The following GSTM4 variants were observed in gnomAD, a reference collection of about 807,000 sequenced individuals.
The protein encoded by GSTM4 is glutathione S-transferase mu 4, also known as GST class-mu 4.
GSTM4 carries 27 observed loss-of-function variants against 30.1 expected under a neutral mutation model. The ratio of observed to expected loss-of-function variants is 0.90; its 90% CI spans 0.66 to 1.24. The LOEUF (loss-of-function observed/expected upper bound fraction) is 1.24, where lower values mean the gene tolerates loss of function less well. Among genes scored for constraint, GSTM4 ranks in the 50% most tolerant of loss-of-function variants. GSTM4 has a pLI of 0.00. For missense variants in GSTM4, 238 were observed against 272.1 expected, an observed-to-expected ratio of 0.87 and a Z score of 0.88; for synonymous variants, 94 against 96.2, an observed-to-expected ratio of 0.98 and a Z score of 0.13.
At position 109,656,142 on chromosome 1, in the gene GSTM4, G is replaced by C; in HGVS notation, c.-248G>C. 2.0e-6 allele frequency: 1 copy of C among 497,012 alleles called. No homozygotes were observed. Among genetic ancestry groups the C allele is most frequent in the Non-Finnish European group, 3.7e-6 (1 of 268,492 alleles). 30.8% of individuals were successfully genotyped at this position (497,012 alleles called of 1,614,324 possible). On this transcript the variant is annotated 5_prime_UTR_variant, in exon 1 of 8. Coordinates refer to ENST00000369836, the MANE Select transcript of GSTM4 (RefSeq NM_000850.5). ...GCTCCCTGAACACTCGGAGGTGGCG[G>C]TGGATCTTACTCCTTCCAGCCAGTG...
At chr1:109,665,505 C>T (rs1477252568), downstream of GSTM4, 1 of 160,966 alleles carries the variant, frequency 6.2e-6, no homozygotes, top group Admixed American at 6.0e-5. Flanking sequence ...ACAGCCTTAT[C>T]TTAGTGGTGT....
At chr1:109,664,341 CTTTTTTTTTTTTTTTTTT>C (rs77855995), downstream of GSTM4, among the ~76,000 whole-genome samples, 127 of 35,750 alleles carry the variant, frequency 3.6e-3, 3 homozygotes, top group African/African-American at 7.4e-3. Flanking sequence ...GAGAGAATAG[CTTTTTTTTTTTTTTTTTT>C]TTTTTTTTTT....
rs747986680 is a variant in GSTM4, at chr1:109,657,761, G to T, written c.260-11G>T. ...TATGCTCAGAGTGAGTCTGTGTTTT[G>T]TGGGTGGCAGGTGGGGAGACAGAAG... On this transcript the variant is annotated splice_polypyrimidine_tract_variant and intron_variant, in intron 4 of 7. Transcript: ENST00000369836. 2 of 1,614,184 alleles carry T rather than the reference G, an allele frequency of 1.2e-6. No individual in the cohort carries two copies. The highest frequency in any genetic ancestry group is 1.6e-4 in the Middle Eastern group (1 of 6,062).
intron 7 of GSTM4, chr1:109,660,932 G>T (rs510651): frequency 0.89 from 502,704 of 566,892 alleles, 223,102 homozygotes; most frequent in East Asian, 0.97. Flanking sequence ...CCCAGCACCG[G>T]GTAGAATCTT....
Position 109,656,436 on chromosome 1 carries a change from G to T in GSTM4, c.36+11G>T. ...TGGGACATCCGCGGGGTGAGTGAGG[G>T]TCCGCTGCACTGTGGGACCGGGCGC... is the stretch of plus-strand genomic sequence containing the variant. On this transcript the variant is annotated intron_variant, in intron 1 of 7. Coordinates refer to ENST00000369836, the MANE Select transcript of GSTM4 (RefSeq NM_000850.5). 2 of 1,613,968 alleles carry T rather than the reference G, an allele frequency of 1.2e-6. No homozygotes were observed. The highest frequency in any genetic ancestry group is 1.1e-5 in the South Asian group (1 of 91,084).
In GSTM4 at chr1:109,661,244, G is replaced by A; in HGVS notation, c.647G>A (p.Gly216Asp). 6.2e-7 allele frequency: 1 copy of A among 1,611,286 alleles called. No homozygotes were observed. Residue 216 changes from glycine (G) to aspartate (D), a missense_variant, in exon 8 of 8, where the codon GGC (glycine) becomes GAC (aspartate). Transcript: ENST00000369836. Reference sequence around the variant, plus strand: ...CTGTACACAAGGGTGGCTGTCTGGGGCAACAAGTAATGCCTTGAAGGCCAG... The same window carrying A: ...CTGTACACAAGGGTGGCTGTCTGGGACAACAAGTAATGCCTTGAAGGCCAG... ...KPLYTRVAVW[G>D]NK
chr1:109,659,004 C>T lies in GSTM4; in HGVS notation c.461C>T (p.Thr154Ile), dbSNP rs1301194700. Residue 154 changes from threonine (T) to isoleucine (I), a missense_variant, in exon 7 of 8, where the codon ACC (threonine) becomes ATC (isoleucine). By Grantham distance (89) the Thr-to-Ile change is moderately conservative. Transcript: ENST00000369836. ...CACATTCTTGGCCTTCTGCAGATCA[C>T]CTTTGTAGATTTCCTCGCCTATGAT... is the stretch of plus-strand genomic sequence containing the variant. ...KRPWFVGDKI[T>I]FVDFLAYDVL... 1.2e-6 allele frequency: 2 copies of T among 1,614,196 alleles called. No homozygotes were observed. Among genetic ancestry groups the T allele is most frequent in the South Asian group, 1.1e-5 (1 of 91,090 alleles).
rs143570685 is a variant in GSTM4 at position 109,661,289 on chromosome 1, C to T, written c.*35C>T. 1,735 of 1,612,754 alleles carry T rather than the reference C, an allele frequency of 1.1e-3. 43 individuals carry two copies. The African/African-American group carries it at 0.021, about 19-fold the overall frequency. ...GGCCAGGAGGTGGGAGTGAGGAGCCCATACTCAGCCTGCTGCCCAGGCTGT... is the reference window on the plus strand; with the variant it reads ...GGCCAGGAGGTGGGAGTGAGGAGCCTATACTCAGCCTGCTGCCCAGGCTGT... On this transcript the variant is annotated 3_prime_UTR_variant, in exon 8 of 8. Transcript: ENST00000369836.
At chr1:109,664,565 G>A (rs1647237147), downstream of GSTM4, among the ~76,000 whole-genome samples, 1 of 151,412 alleles carries the variant, frequency 6.6e-6, no homozygotes, top group South Asian at 2.1e-4. Flanking sequence ...TCACCATATT[G>A]GCCAGGCTGG....
In GSTM4 at chr1:109,661,605, C is replaced by G. The variant is rs142639069; in HGVS notation, c.*351C>G. On this transcript the variant is annotated 3_prime_UTR_variant, in exon 8 of 8. Transcript: ENST00000369836. The stretch of plus-strand genomic sequence containing the variant: ...GTGGAGCTCAGCCCTGAGCTGTCCC[C>G]GTGTTGCATGACAGCATTGACTGGT... 3.3e-6 allele frequency: 4 copies of G among 1,226,794 alleles called. No individual in the cohort carries two copies. Among genetic ancestry groups the G allele is most frequent in the Non-Finnish European group, 4.1e-6 (4 of 974,084 alleles). 76.0% of individuals were successfully genotyped at this position (1,226,794 alleles called of 1,614,324 possible).
At chr1:109,663,495 G>A (rs1469032058), downstream of GSTM4, among the ~76,000 whole-genome samples, 1 of 152,048 alleles carries the variant, frequency 6.6e-6, no homozygotes, top group African/African-American at 2.4e-5. Flanking sequence ...GTGAAACCCC[G>A]TCTCTACTAA....
downstream of GSTM4, among the ~76,000 whole-genome samples, chr1:109,662,247 AT>A (rs367742018): frequency 4.1e-4 from 63 of 152,310 alleles, no homozygotes; most frequent in South Asian, 0.012. Flanking sequence ...TGTATTCAGT[AT>A]TATTCAGTGC....
chr1:109,664,935 G>A, downstream of GSTM4: 1 of 1,566,710 alleles, frequency 6.4e-7, no homozygotes, highest in Non-Finnish European at 8.8e-7. Context: ...CTGGAGAAAG[G>A]TTAAAGAATG....
downstream of GSTM4, among the ~76,000 whole-genome samples, chr1:109,661,956 A>G (rs1652340712): frequency 1.3e-5 from 2 of 152,090 alleles, no homozygotes; most frequent in South Asian, 4.2e-4. Flanking sequence ...AGCCTCCCAA[A>G]TAGCTGAGAC....
At position 109,657,678 on chromosome 1, in the gene GSTM4, G is replaced by A. The variant is rs1652094007; in HGVS notation, c.259+7G>A. Reference sequence around the variant, plus strand: ...GCCCGCAAGCACAACCTGTGTGAGTGTGGTTGGCTGCAGTGTGTGGGGGGA... The same window carrying A: ...GCCCGCAAGCACAACCTGTGTGAGTATGGTTGGCTGCAGTGTGTGGGGGGA... On this transcript the variant is annotated splice_region_variant and intron_variant, in intron 4 of 7. Transcript: ENST00000369836. 2.5e-6 allele frequency: 4 copies of A among 1,614,140 alleles called. No individual in the cohort carries two copies. The highest frequency in any genetic ancestry group is 1.1e-5 in the South Asian group (1 of 91,086).
chr1:109,665,170 GA>G, downstream of GSTM4: 1 of 719,738 alleles, frequency 1.4e-6, no homozygotes, highest in Non-Finnish European at 2.6e-6. Context: ...AGCAATGAAG[GA>G]GGCATCCACC....
intron 7 of GSTM4, chr1:109,659,666 A>G (rs1652214543): frequency 5.6e-6 from 2 of 354,658 alleles, no homozygotes; most frequent in Admixed American, 7.9e-5. Context: ...TGAGAGCCAG[A>G]GCTGTGGCCA....
At chr1:109,664,783 C>T (rs917346265), downstream of GSTM4, among the ~76,000 whole-genome samples, 1 of 152,152 alleles carries the variant, frequency 6.6e-6, no homozygotes, top group African/African-American at 2.4e-5. Flanking sequence ...AGAATACCTT[C>T]AAGTTTTCTA....
In GSTM4 at chr1:109,658,450, C is replaced by G. The variant is rs186220012; in HGVS notation, c.361-364C>G. On this transcript the variant is annotated intron_variant, in intron 5 of 7. Transcript: ENST00000369836. ...TATTCTGCCACTGCACTAGGAGGAA[C>G]TTTCAACTTCTTTCTCTGAGCTCCT... 1.3e-4 allele frequency: 35 copies of G among 267,580 alleles called. No homozygotes were observed. In the Admixed American group the frequency reaches 1.7e-3, roughly 13 times the overall value. The allele number at this position is 267,580 out of a possible 1,614,324, so 16.6% of individuals were successfully genotyped here. A position where few individuals can be genotyped will look rare whatever the true frequency, so the allele number is the denominator to read the frequency against.
Sources: allele counts gnomAD v4.1 joint callset (sites outside exome capture counted in the v4.1 genomes callset), GRCh38; gene constraint gnomAD v4.1.1; transcripts MANE v1.5; gene names NCBI Gene and HGNC (gene_info 2026-07-23, HGNC 2026-07-21).